Variants in MACROD2 observed in about 807,000 individuals in gnomAD.
MACROD2 encodes mono-ADP ribosylhydrolase 2.
MACROD2 carries 36 observed loss-of-function variants against 70.4 expected under a neutral mutation model. The observed-to-expected ratio is 0.51, with a 90% CI of 0.39 to 0.68. The LOEUF is 0.68. Among genes scored for constraint, MACROD2 ranks in the 30% least tolerant of loss-of-function variants. MACROD2 has a pLI of 0.00. For synonymous variants in MACROD2, 172 were observed against 178.8 expected, an observed-to-expected ratio of 0.96 and a Z score of 0.30; for missense variants, 496 against 538.4, an observed-to-expected ratio of 0.92 and a Z score of 0.78.
At chr20:15,112,581 G>C (rs1023127442) in intron 5 of MACROD2, among the ~76,000 whole-genome samples, 3 of 152,072 alleles carry the variant, frequency 2.0e-5, no homozygotes, top group African/African-American at 4.8e-5. Flanking sequence ...ACCCAGACTG[G>C]AACTCAGTAA....
chr20:15,986,701 T>C, intron 13 of MACROD2, 26 bp from the exon 14 acceptor site: 1 of 1,583,510 alleles, frequency 6.3e-7, no homozygotes, highest in East Asian at 2.2e-5. Context: ...ACATTTCTTT[T>C]ATTTTTCAAT....
chr20:14,522,378 A>G (rs1462345063), intron 4 of MACROD2, among the ~76,000 whole-genome samples: 1 of 152,168 alleles, frequency 6.6e-6, no homozygotes, highest in Non-Finnish European at 1.5e-5. Flanking sequence ...AAACCCAAGC[A>G]GAAATGTAAA....
chr20:15,322,656 G>C (rs1408987608), intron 6 of MACROD2, among the ~76,000 whole-genome samples: 2 of 144,296 alleles, frequency 1.4e-5, no homozygotes, highest in Non-Finnish European at 3.1e-5. Context: ...TTTTATGAAT[G>C]ATTTCTTCCT....
intron 3 of MACROD2, among the ~76,000 whole-genome samples, chr20:14,387,675 A>G (rs188654200): frequency 3.3e-5 from 5 of 152,324 alleles, no homozygotes; most frequent in African/African-American, 1.2e-4. Context: ...AAGCCATACC[A>G]AGTACATGGT....
At chr20:14,400,424 C>T (rs535054052) in intron 3 of MACROD2, among the ~76,000 whole-genome samples, 33 of 152,268 alleles carry the variant, frequency 2.2e-4, no homozygotes, top group African/African-American at 6.7e-4. Flanking sequence ...TATTATTCCT[C>T]TCAGGTAGTT....
chr20:15,442,987 C>T (rs1195098952), intron 7 of MACROD2, among the ~76,000 whole-genome samples: 1 of 152,040 alleles, frequency 6.6e-6, no homozygotes, highest in Admixed American at 6.6e-5. Context: ...TAGACCTCAC[C>T]TCAATTGTTT....
intron 4 of MACROD2, among the ~76,000 whole-genome samples, chr20:14,581,100 C>T (rs867876981): frequency 6.6e-6 from 1 of 152,150 alleles, no homozygotes; most frequent in African/African-American, 2.4e-5. Context: ...AAAACAATAA[C>T]CCAGCCCAGA....
chr20:15,509,908 C>A (rs1600512833), intron 8 of MACROD2, among the ~76,000 whole-genome samples: 1 of 152,322 alleles, frequency 6.6e-6, no homozygotes, highest in African/African-American at 2.4e-5. Context: ...ATAGCACAAT[C>A]AGACCTGTAA....
chr20:14,800,987 A>T (rs74760384), intron 5 of MACROD2, among the ~76,000 whole-genome samples: 2,055 of 152,246 alleles, frequency 0.013, 49 homozygotes, highest in African/African-American at 0.047. Flanking sequence ...TTAGCTTGAC[A>T]ACACACATGT....
chr20:14,663,519 T>TACACACACACAC (rs10606501), intron 4 of MACROD2, among the ~76,000 whole-genome samples: 30 of 141,556 alleles, frequency 2.1e-4, no homozygotes, highest in African/African-American at 7.6e-4. Flanking sequence ...CAGGGATGTA[T>TACACACACACAC]ACACACACAC....
chr20:15,957,425 G>T (rs1431429049), intron 12 of MACROD2, among the ~76,000 whole-genome samples: 2 of 152,064 alleles, frequency 1.3e-5, no homozygotes, highest in Non-Finnish European at 1.5e-5. Context: ...ACAAATAGAG[G>T]TTTACCTTTA....
rs942997305 is a variant in MACROD2, at chr20:14,431,853, C to T, written c.272-61626C>T. 3.3e-5 allele frequency among the ~76,000 whole-genome samples: 5 copies of T among 152,166 alleles called. No homozygotes were observed. In the East Asian group the frequency reaches 9.7e-4, roughly 29 times the overall value. ...TATTCATCCTTAAGTTTCCCATATG[C>T]CAGGCTTGAAGAAAGCTCTGTTGCA... On this transcript the variant is annotated intron_variant, in intron 3 of 17. Coordinates refer to ENST00000684519, the MANE Select transcript of MACROD2 (RefSeq NM_001351661.2).
At chr20:15,466,300 G>T (rs1377618501) in intron 7 of MACROD2, among the ~76,000 whole-genome samples, 1 of 152,112 alleles carries the variant, frequency 6.6e-6, no homozygotes, top group African/African-American at 2.4e-5. Context: ...ATACAGATTA[G>T]GCAGGCTTCC....
At chr20:14,464,592 G>A (rs1357689911) in intron 3 of MACROD2, among the ~76,000 whole-genome samples, 1 of 151,880 alleles carries the variant, frequency 6.6e-6, no homozygotes, top group African/African-American at 2.4e-5. Flanking sequence ...GAATGTGTTT[G>A]CTCTTGCTTC....
At chr20:15,989,334 G>A (rs1279302799) in intron 15 of MACROD2, among the ~76,000 whole-genome samples, 2 of 152,140 alleles carry the variant, frequency 1.3e-5, no homozygotes, top group South Asian at 2.1e-4. Context: ...TCTCAGGCCA[G>A]CAGTTTTGAT....
At chr20:15,119,064 A>T (rs1270164215) in intron 5 of MACROD2, among the ~76,000 whole-genome samples, 1 of 152,196 alleles carries the variant, frequency 6.6e-6, no homozygotes, top group East Asian at 1.9e-4. Flanking sequence ...CCAATTTTTA[A>T]AATCCTTGGG....
chr20:15,679,055 G>A (rs1315008229), intron 8 of MACROD2, among the ~76,000 whole-genome samples: 1 of 152,064 alleles, frequency 6.6e-6, no homozygotes, highest in African/African-American at 2.4e-5. Context: ...TAGTCAGCAT[G>A]GTGAAACCCC....
chr20:14,264,642 T>C (rs1437772736), intron 3 of MACROD2, among the ~76,000 whole-genome samples: 1 of 152,108 alleles, frequency 6.6e-6, no homozygotes, highest in Non-Finnish European at 1.5e-5. Context: ...GTTGGGAAAG[T>C]AATGGTATAA....
intron 5 of MACROD2, among the ~76,000 whole-genome samples, chr20:15,003,116 A>G (rs1319015954): frequency 6.6e-6 from 1 of 152,214 alleles, no homozygotes; most frequent in African/African-American, 2.4e-5. Context: ...TTGAGATCAT[A>G]GGTACAGAGG....
Sources: gnomAD v4.1 joint callset for allele counts (sites outside exome capture counted in the v4.1 genomes callset) on GRCh38, gnomAD v4.1.1 for gene constraint, MANE v1.5 for transcripts, NCBI Gene and HGNC (gene_info 2026-07-23, HGNC 2026-07-21) for gene names.